FILIP1: variants seen among roughly 807,000 people sequenced by gnomAD.
FILIP1 encodes the protein filamin A interacting protein 1, also known as filamin-A-interacting protein 1.
A neutral mutation model predicts 102.1 loss-of-function variants in FILIP1; 61 were observed. The ratio of observed to expected loss-of-function variants is 0.60; its 90% CI spans 0.49 to 0.74. The LOEUF (loss-of-function observed/expected upper bound fraction) is 0.74. FILIP1 is among the 30% of genes least tolerant of loss of function. The pLI, the probability that FILIP1 is intolerant of heterozygous loss-of-function variation, is 0.00. For missense variants in FILIP1, 1,314 were observed against 1,441.2 expected (o/e 0.91, Z 1.43); for synonymous variants, 491 against 526.9 (o/e 0.93, Z 0.93).
intron 2 of FILIP1, among the ~76,000 whole-genome samples, chr6:75,391,860 A>G (rs1441356471): frequency 6.6e-6 from 1 of 152,142 alleles, no homozygotes; most frequent in Admixed American, 6.6e-5. Context: ...TACTGTCTCC[A>G]ATAATCTCTC....
chr6:75,325,408 C>A (rs140551415), intron 4 of FILIP1, among the ~76,000 whole-genome samples: 1 of 152,008 alleles, frequency 6.6e-6, no homozygotes, highest in Non-Finnish European at 1.5e-5. Context: ...GGTGACAGAG[C>A]GAGACTCTGT....
At position 75,318,777 on chromosome 6, in the gene FILIP1, T is replaced by C. The variant is rs561927570; in HGVS notation, c.630-3575A>G. ...GTGCTGTGCACCAACAAGAACCTGC[T>C]TTAAATCTATGCCAATTAACAACCT... is the stretch of plus-strand genomic sequence containing the variant. On this transcript the variant is annotated intron_variant, in intron 4 of 5. Transcript: ENST00000237172. 2.6e-5 allele frequency among the ~76,000 whole-genome samples: 4 copies of C among 152,272 alleles called. No individual in the cohort carries two copies. The South Asian group carries it at 8.3e-4, about 32-fold the overall frequency.
Position 75,353,652 on chromosome 6 carries a change from G to C in FILIP1, c.516C>G (p.Ala172=), listed in dbSNP as rs142490872. Residue 172 remains alanine, a synonymous_variant, in exon 4 of 6, where the codon GCC becomes GCG. Transcript: ENST00000237172. ...ATACGGTGCGCCTATGACACTTCTC[G>C]GCCAGCAACAGCTGCTCTAGCATGC... The part of the protein sequence containing the change: ...YRRMLEQLLL[A]EKCHRRTVYE... The C allele has an allele frequency of 1.9e-6, 3 of 1,614,058 alleles. No individual in the cohort carries two copies. The highest frequency in any genetic ancestry group is 2.5e-6 in the Non-Finnish European group (3 of 1,180,026).
At chr6:75,295,850 G>A (rs1772652778) in exon 7 of FILIP1, 2 of 1,142,970 alleles carry the variant, frequency 1.7e-6, no homozygotes, top group Admixed American at 3.9e-5. Flanking sequence ...ATTGAGGGCT[G>A]TCCATTCAAT....
At chr6:75,308,060 A>G (rs866828315), downstream of FILIP1, 2 of 985,840 alleles carry the variant, frequency 2.0e-6, no homozygotes, top group African/African-American at 1.7e-5. Flanking sequence ...ACACAGACAC[A>G]CACAAATAAG....
chr6:75,357,463 G>C (rs1179763459), intron 3 of FILIP1: 1 of 152,252 alleles, frequency 6.6e-6, no homozygotes, highest in Admixed American at 6.5e-5. Flanking sequence ...AGCCACTGGA[G>C]TAGGTGGCTG....
chr6:75,485,587 C>T (rs1017628435), intron 1 of FILIP1, among the ~76,000 whole-genome samples: 6 of 152,172 alleles, frequency 3.9e-5, no homozygotes, highest in Non-Finnish European at 7.4e-5. Flanking sequence ...GCATTATCTG[C>T]TCCATCGAAG....
chr6:75,458,910 C>T (rs1177219010), intron 1 of FILIP1: 1 of 152,032 alleles, frequency 6.6e-6, no homozygotes, highest in Non-Finnish European at 1.5e-5. Flanking sequence ...AAAAAAACTA[C>T]CCAAAGAAGT....
chr6:75,310,947 T>A (rs74448944), intron 5 of FILIP1, among the ~76,000 whole-genome samples: 1 of 152,300 alleles, frequency 6.6e-6, no homozygotes, highest in Non-Finnish European at 1.5e-5. Context: ...ATATTAAGAA[T>A]ATAGGAAAAT....
At chr6:75,421,768 A>G (rs1777477215) in intron 1 of FILIP1, among the ~76,000 whole-genome samples, 1 of 152,156 alleles carries the variant, frequency 6.6e-6, no homozygotes, top group Non-Finnish European at 1.5e-5. Context: ...ATAACTTTGC[A>G]TAAGAATAGC....
intron 1 of FILIP1, among the ~76,000 whole-genome samples, chr6:75,452,792 G>A (rs1405844677): frequency 6.6e-6 from 1 of 152,148 alleles, no homozygotes; most frequent in Non-Finnish European, 1.5e-5. Context: ...AATTGTGTAT[G>A]ATTTATTTTC....
intron 6 of FILIP1, among the ~76,000 whole-genome samples, chr6:75,296,339 CTTTG>C (rs1420514046): frequency 1.2e-3 from 127 of 101,818 alleles, no homozygotes; most frequent in African/African-American, 4.0e-3. Flanking sequence ...TCTTCAATTT[CTTTG>C]TGTGTGTGTG....
At chr6:75,319,077 C>CTCCTCTTCA (rs1773547756) in intron 4 of FILIP1, 1 of 740,886 alleles carries the variant, frequency 1.3e-6, no homozygotes, top group Non-Finnish European at 2.4e-6. Context: ...CACCTTCTTC[C>CTCCTCTTCA]TCCTCTTCAT....
intron 1 of FILIP1, among the ~76,000 whole-genome samples, chr6:75,481,776 G>A (rs912515821): frequency 1.3e-5 from 2 of 152,164 alleles, no homozygotes; most frequent in Non-Finnish European, 1.5e-5. Flanking sequence ...TGAGCAGACT[G>A]AGTGGACCTC....
At chr6:75,410,952 G>A (rs533141074) in intron 2 of FILIP1, among the ~76,000 whole-genome samples, 29 of 152,228 alleles carry the variant, frequency 1.9e-4, no homozygotes, top group African/African-American at 7.0e-4. Context: ...GGGATTGCTG[G>A]GTCAAATGGT....
intron 4 of FILIP1, among the ~76,000 whole-genome samples, chr6:75,327,382 C>A (rs1332540061): frequency 6.6e-6 from 1 of 152,052 alleles, no homozygotes; most frequent in African/African-American, 2.4e-5. Flanking sequence ...CTCTTGTCCA[C>A]CCACAGTCTG....
At chr6:75,306,304 C>A (rs1582310910), downstream of FILIP1, among the ~76,000 whole-genome samples, 1 of 152,124 alleles carries the variant, frequency 6.6e-6, no homozygotes, top group East Asian at 1.9e-4. Context: ...GAGCACTCTC[C>A]TGTAGATGGT....
chr6:75,414,067 C>T (rs1777168703), intron 2 of FILIP1, among the ~76,000 whole-genome samples: 1 of 148,816 alleles, frequency 6.7e-6, no homozygotes, highest in Non-Finnish European at 1.5e-5. Flanking sequence ...ATGATACCCA[C>T]ATTTTTATTG....
chr6:75,301,880 C>T (rs1430020176), intron 6 of FILIP1, among the ~76,000 whole-genome samples: 1 of 152,120 alleles, frequency 6.6e-6, no homozygotes, highest in Middle Eastern at 3.2e-3. Context: ...TGGATATTCA[C>T]CCTGATATCT....
Sources: gnomAD v4.1 joint callset for allele counts (sites outside exome capture counted in the v4.1 genomes callset) on GRCh38, gnomAD v4.1.1 for gene constraint, MANE v1.5 for transcripts, NCBI Gene and HGNC (gene_info 2026-07-23, HGNC 2026-07-21) for gene names.